TRIP4: variants seen among roughly 807,000 people sequenced by gnomAD.
TRIP4 encodes the protein activating signal cointegrator 1.
In TRIP4, 54 loss-of-function variants were observed where a neutral mutation model predicts 81.8. That is an observed-to-expected ratio of 0.66 (90% CI 0.53 to 0.83). TRIP4 has a LOEUF of 0.83. Ranked by LOEUF, TRIP4 falls within the 40% of genes least tolerant of loss-of-function variation. TRIP4 has a pLI of 0.00. For missense variants in TRIP4, 662 were observed against 683.6 expected, an observed-to-expected ratio of 0.97 and a Z score of 0.35; for synonymous variants, 270 against 242.8, an observed-to-expected ratio of 1.11 and a Z score of -1.04.
intron 5 of TRIP4, among the ~76,000 whole-genome samples, chr15:64,402,921 G>C (rs551655707): frequency 3.9e-5 from 6 of 152,020 alleles, no homozygotes; most frequent in Non-Finnish European, 5.9e-5. Context: ...GTGTGGTGGC[G>C]TGATCTCGGC....
rs116795677 is a variant in TRIP4 at position 64,426,362 on chromosome 15, G to A, written c.1575+731G>A. 7.3e-3 allele frequency among the ~76,000 whole-genome samples: 1,118 copies of A among 152,134 alleles called. 14 individuals are homozygous for A. Among genetic ancestry groups the A allele is most frequent in the African/African-American group, 0.026 (1,078 of 41,502 alleles). ...TGTATGAATGTACATATGTATGAATGTACATATGTATGCATTTATATATTT... is the reference window on the plus strand; with the variant it reads ...TGTATGAATGTACATATGTATGAATATACATATGTATGCATTTATATATTT... On this transcript the variant is annotated intron_variant, in intron 11 of 12. Coordinates refer to ENST00000261884, the MANE Select transcript of TRIP4 (RefSeq NM_016213.5).
intron 11 of TRIP4, among the ~76,000 whole-genome samples, chr15:64,440,595 G>T (rs953601821): frequency 6.6e-6 from 1 of 151,834 alleles, no homozygotes; most frequent in Non-Finnish European, 1.5e-5. Flanking sequence ...TTTCACCTCT[G>T]TTTCTTGTAA....
intron 1 of TRIP4, 54 bp from the exon 2 acceptor site, chr15:64,393,892 G>A: frequency 6.8e-7 from 1 of 1,481,194 alleles, no homozygotes; most frequent in Non-Finnish European, 9.0e-7. Context: ...TAAGATTACT[G>A]AGAAACAGTG....
intron 11 of TRIP4, among the ~76,000 whole-genome samples, chr15:64,434,347 C>T (rs1286161043): frequency 1.4e-5 from 2 of 146,484 alleles, no homozygotes; most frequent in African/African-American, 2.5e-5. Context: ...TGCAGTGAGT[C>T]GAGATTGTGC....
chr15:64,407,467 A>G (rs1891653357), intron 6 of TRIP4, among the ~76,000 whole-genome samples: 1 of 151,988 alleles, frequency 6.6e-6, no homozygotes, highest in African/African-American at 2.4e-5. Context: ...GGAGATCCAG[A>G]CCATCCTGGC....
chr15:64,397,519 T>G, intron 3 of TRIP4, 87 bp from the exon 4 acceptor site: 1 of 1,304,092 alleles, frequency 7.7e-7, no homozygotes, highest in Non-Finnish European at 1.1e-6. Flanking sequence ...ATATAAGTTG[T>G]TACTGAACAG....
At chr15:64,449,364 A>T (rs916707737) in intron 12 of TRIP4, among the ~76,000 whole-genome samples, 1 of 151,178 alleles carries the variant, frequency 6.6e-6, no homozygotes, top group Non-Finnish European at 1.5e-5. Flanking sequence ...ATATATTCGA[A>T]ATTCCAAACT....
chr15:64,434,973 T>C (rs982437938), intron 11 of TRIP4, among the ~76,000 whole-genome samples: 1 of 151,776 alleles, frequency 6.6e-6, no homozygotes, highest in African/African-American at 2.4e-5. Flanking sequence ...CCCAGCACTT[T>C]GGGTGGCTCA....
At chr15:64,411,699 A>G (rs1891766331) in intron 7 of TRIP4, among the ~76,000 whole-genome samples, 2 of 132,484 alleles carry the variant, frequency 1.5e-5, no homozygotes, top group South Asian at 4.6e-4. Flanking sequence ...TTTTTTTTTG[A>G]GACAAAGTCT....
intron 10 of TRIP4, 192 bp downstream of exon 10, chr15:64,424,347 A>G (rs192029079): frequency 1.5e-6 from 1 of 656,624 alleles, no homozygotes; most frequent in East Asian, 3.0e-5. Context: ...CAGTGCAAAT[A>G]AAAATATCAA....
rs577233933 is a variant in TRIP4 at position 64,420,286 on chromosome 15, T to G, written c.1358+1558T>G. ...ACACGCATGTGCCACCACGCCTGGCTATTTTTGTATTTTTAGTAGAGACGA... is the reference window on the plus strand; with the variant it reads ...ACACGCATGTGCCACCACGCCTGGCGATTTTTGTATTTTTAGTAGAGACGA... On this transcript the variant is annotated intron_variant, in intron 9 of 12. Coordinates refer to ENST00000261884, the MANE Select transcript of TRIP4 (RefSeq NM_016213.5). Among the ~76,000 whole-genome samples, 38 of 151,444 alleles carry G rather than the reference T, an allele frequency of 2.5e-4. 1 individual carries two copies. The South Asian group carries it at 7.1e-3, about 28-fold the overall frequency.
intron 4 of TRIP4, among the ~76,000 whole-genome samples, chr15:64,399,241 C>T (rs551759233): frequency 1.3e-5 from 2 of 151,646 alleles, no homozygotes; most frequent in African/African-American, 4.8e-5. Flanking sequence ...TGTGAGCCAC[C>T]GTGCCTGGTG....
intron 6 of TRIP4, among the ~76,000 whole-genome samples, chr15:64,409,318 C>T (rs1463561245): frequency 1.3e-5 from 2 of 152,116 alleles, no homozygotes; most frequent in Non-Finnish European, 2.9e-5. Flanking sequence ...ATTTAGTAAG[C>T]TGTCAAACTT....
At chr15:64,415,730 G>T (rs1274212118) in intron 8 of TRIP4, among the ~76,000 whole-genome samples, 2 of 152,184 alleles carry the variant, frequency 1.3e-5, no homozygotes, top group Non-Finnish European at 2.9e-5. Context: ...TCCAAATAAG[G>T]TTGTATTCAC....
intron 12 of TRIP4, among the ~76,000 whole-genome samples, chr15:64,452,888 C>T (rs1566988593): frequency 6.6e-6 from 1 of 152,004 alleles, no homozygotes; most frequent in Non-Finnish European, 1.5e-5. Flanking sequence ...AGGATTAAAA[C>T]TGAGTTTTTC....
In TRIP4 at chr15:64,445,029, T is replaced by C. The variant is rs773293250; in HGVS notation, c.1599T>C (p.Ser533=). The C allele has an allele frequency of 6.3e-7, 1 of 1,592,960 alleles. No individual in the cohort carries two copies. The highest frequency in any genetic ancestry group is 1.1e-5 in the South Asian group (1 of 89,536). The stretch of plus-strand genomic sequence containing the variant: ...AGTTTCCAGACATCAGTCAAGAGTC[T>C]GATTCTCCATTTGTTTTCATCTGCA... ...KEQFPDISQE[S]DSPFVFICKN... is the part of the protein sequence containing the mutation. Residue 533 remains serine, a synonymous_variant, in exon 12 of 13, where the codon TCT becomes TCC. Transcript: ENST00000261884.
intron 11 of TRIP4, among the ~76,000 whole-genome samples, chr15:64,439,904 A>AG (rs1303904768): frequency 6.6e-6 from 1 of 152,056 alleles, no homozygotes; most frequent in Non-Finnish European, 1.5e-5. Flanking sequence ...GACATAGTTT[A>AG]GGAGTTATTG....
intron 11 of TRIP4, 42 bp downstream of exon 11, chr15:64,425,673 C>T: frequency 1.3e-6 from 2 of 1,534,352 alleles, no homozygotes; most frequent in Non-Finnish European, 1.8e-6. Flanking sequence ...CAGGGTTTCG[C>T]CATGTTGGCC....
chr15:64,406,922 A>G (rs954424967), intron 6 of TRIP4, among the ~76,000 whole-genome samples: 1 of 152,210 alleles, frequency 6.6e-6, no homozygotes, highest in Non-Finnish European at 1.5e-5. Context: ...TTTTTGATTC[A>G]ATAATCGGTA....
Sources: gnomAD v4.1 joint callset for allele counts (sites outside exome capture counted in the v4.1 genomes callset) on GRCh38, gnomAD v4.1.1 for gene constraint, MANE v1.5 for transcripts, NCBI Gene and HGNC (gene_info 2026-07-23, HGNC 2026-07-21) for gene names.